The following SLC51B variants were observed in gnomAD, a reference collection of about 807,000 sequenced individuals.
SLC51B encodes organic solute transporter subunit beta.
A neutral mutation model predicts 8.0 loss-of-function variants in SLC51B; 6 were observed. The observed-to-expected ratio is 0.75, with a 90% CI of 0.41 to 1.48. SLC51B has a LOEUF of 1.48. Ranked by LOEUF, SLC51B falls within the 40% of genes most tolerant of loss-of-function variation. SLC51B has a pLI of 0.01. For missense variants in SLC51B, 150 were observed against 149.7 expected, an observed-to-expected ratio of 1.00 and a Z score of -0.01; for synonymous variants, 61 against 54.8, an observed-to-expected ratio of 1.11 and a Z score of -0.50.
chr15:65,048,646 C>T (rs1951105554), intron 1 of SLC51B, among the ~76,000 whole-genome samples: 1 of 152,160 alleles, frequency 6.6e-6, no homozygotes, highest in Admixed American at 6.5e-5. Flanking sequence ...CGTTTATCTC[C>T]ATTCCTACTC....
Position 65,050,014 on chromosome 15 carries a change from A to G in SLC51B, c.10A>G (p.Ser4Gly). The G allele has an allele frequency of 1.9e-6, 3 of 1,551,310 alleles. No homozygotes were observed. Among genetic ancestry groups the G allele is most frequent in the Non-Finnish European group, 2.6e-6 (3 of 1,146,778 alleles). MEHSEGAPGDPAGT... is the reference protein window; with the variant it reads MEHGEGAPGDPAGT... ...TACCAGGAGCAGGGGCATGGAGCACAGTGAGGGGGCTCCCGGAGACCCAGC... is the reference window on the plus strand; with the variant it reads ...TACCAGGAGCAGGGGCATGGAGCACGGTGAGGGGGCTCCCGGAGACCCAGC... The change falls in exon 2 of 4, where the codon AGT becomes GGT. Residue 4 changes from serine to glycine, a missense_variant. Coordinates refer to ENST00000334287, the MANE Select transcript of SLC51B (RefSeq NM_178859.4).
In SLC51B at chr15:65,053,346, TA is replaced by T. The variant is rs528502893; in HGVS notation, c.*190del. 1.9e-5 allele frequency: 27 copies of T among 1,416,250 alleles called. No homozygotes were observed. The Admixed American group carries it at 2.5e-4, about 13-fold the overall frequency. 87.7% of individuals were successfully genotyped at this position (1,416,250 alleles called of 1,614,324 possible). On this transcript the variant is annotated 3_prime_UTR_variant, in exon 4 of 4. Transcript: ENST00000334287. ...TGCAAGCAAACTAAAATTCTGTTAT[TA>T]AAAAAAATCTTTTATTAAAATGCTC...
chr15:65,048,439 C>T (rs2086605194), intron 1 of SLC51B, among the ~76,000 whole-genome samples: 1 of 152,190 alleles, frequency 6.6e-6, no homozygotes, highest in Admixed American at 6.5e-5. Flanking sequence ...TGTTTGCCAT[C>T]TAGCTGTTTT....
rs368374478 is a variant in SLC51B at position 65,053,286 on chromosome 15, C to CTT, written c.*132_*133dup. ...GCCGCTTTTTTCTTTTTCTTTCTTT[C>CTT]TTTTTTTTTTTCTTAGCAGATACAA... On this transcript the variant is annotated 3_prime_UTR_variant, in exon 4 of 4. Transcript: ENST00000334287. The CTT allele has an allele frequency of 3.2e-5, 34 of 1,067,220 alleles. No homozygotes were observed. Among genetic ancestry groups the CTT allele is most frequent in the South Asian group, 8.7e-5 (4 of 46,224 alleles). 66.1% of individuals were successfully genotyped at this position (1,067,220 alleles called of 1,614,324 possible). A position where few individuals can be genotyped will look rare whatever the true frequency, so the allele number is the denominator to read the frequency against.
Position 65,053,236 on chromosome 15 carries a change from C to A in SLC51B, c.*72C>A. The A allele has an allele frequency of 6.4e-7, 1 of 1,556,352 alleles. No homozygotes were observed. The highest frequency in any genetic ancestry group is 1.2e-5 in the South Asian group (1 of 83,584). ...CTCAGCTCAGTGGCCTGAAACCTCT[C>A]AGGTTTTAGAGTCTCTCCCAAGAAG... On this transcript the variant is annotated 3_prime_UTR_variant, in exon 4 of 4. Transcript: ENST00000334287.
chr15:65,046,942 C>T (rs1032457350), intron 1 of SLC51B, among the ~76,000 whole-genome samples: 1 of 151,954 alleles, frequency 6.6e-6, no homozygotes, highest in Non-Finnish European at 1.5e-5. Flanking sequence ...AACACCACTC[C>T]ACTGTGGACA....
chr15:65,049,860 G>T (rs958828837), intron 1 of SLC51B, 37 bp from the exon 2 acceptor site: 1 of 538,730 alleles, frequency 1.9e-6, no homozygotes, highest in Non-Finnish European at 3.2e-6. Flanking sequence ...TCAAACTCGG[G>T]TGGGATATCC....
At chr15:65,050,835 TC>T (rs768796117) in intron 2 of SLC51B, among the ~76,000 whole-genome samples, 1,769 of 138,328 alleles carry the variant, frequency 0.013, 94 homozygotes, top group African/African-American at 0.043. Context: ...TTCTTCTTCT[TC>T]TTTTTTTTTT....
intron 1 of SLC51B, among the ~76,000 whole-genome samples, chr15:65,046,783 C>T (rs1198311720): frequency 6.6e-6 from 1 of 151,798 alleles, no homozygotes; most frequent in Non-Finnish European, 1.5e-5. Flanking sequence ...CGTGGTGGCA[C>T]ATGCCTGTTG....
At chr15:65,051,744 C>A in intron 3 of SLC51B, 139 bp downstream of exon 3, 1 of 658,690 alleles carries the variant, frequency 1.5e-6, no homozygotes, top group Non-Finnish European at 2.6e-6. Context: ...CCTTCAGTGT[C>A]CTTCGAGAAC....
At chr15:65,050,203 G>A (rs776422387) in intron 2 of SLC51B, 102 bp downstream of exon 2, 26 of 904,424 alleles carry the variant, frequency 2.9e-5, no homozygotes, top group East Asian at 2.3e-4. Flanking sequence ...CAGGTCAGGC[G>A]GTACATTTCC....
Position 65,053,054 on chromosome 15 carries a change from A to G in SLC51B, c.277A>G (p.Arg93Gly). ...GGATCACAACAGCCTAAACAACCTAAGAGAAACTTTGCTCTCAGAAAAGCC... is the reference window on the plus strand; with the variant it reads ...GGATCACAACAGCCTAAACAACCTAGGAGAAACTTTGCTCTCAGAAAAGCC... ...AKDHNSLNNL[R>G]ETLLSEKPNL... The change falls in exon 4 of 4, where the codon AGA becomes GGA. Residue 93 changes from arginine (R) to glycine (G), a missense_variant. Arg to Gly is a moderately radical substitution (Grantham distance 125). Coordinates refer to ENST00000334287, the MANE Select transcript of SLC51B (RefSeq NM_178859.4). 1 of 1,614,112 alleles carries G rather than the reference A, an allele frequency of 6.2e-7. No homozygotes were observed.
intron 3 of SLC51B, 36 bp downstream of exon 3, chr15:65,051,641 T>C (rs2086654485): frequency 1.3e-6 from 2 of 1,598,106 alleles, no homozygotes; most frequent in African/African-American, 1.3e-5. Context: ...GGGTGGTCTC[T>C]GTGGGGTAGA....
chr15:65,049,977 C>T lies in SLC51B; in HGVS notation c.-28C>T. On this transcript the variant is annotated 5_prime_UTR_variant, in exon 2 of 4. Transcript: ENST00000334287. ...CTGGGGCTAAGGGGTCTAAGGACCT[C>T]GTTGCACACGCTACCAGGAGCAGGG... is the stretch of plus-strand genomic sequence containing the variant. The T allele has an allele frequency of 6.5e-7, 1 of 1,536,366 alleles. No homozygotes were observed. The highest frequency in any genetic ancestry group is 8.8e-7 in the Non-Finnish European group (1 of 1,135,598).
At chr15:65,050,520 G>T (rs2086636303) in intron 2 of SLC51B, among the ~76,000 whole-genome samples, 1 of 152,234 alleles carries the variant, frequency 6.6e-6, no homozygotes, top group African/African-American at 2.4e-5. Flanking sequence ...TAGGAAGTAT[G>T]CAGCAAGGGC....
intron 1 of SLC51B, among the ~76,000 whole-genome samples, chr15:65,048,110 G>C (rs2086600686): frequency 6.6e-6 from 1 of 151,930 alleles, no homozygotes; most frequent in Non-Finnish European, 1.5e-5. Flanking sequence ...GGACCCAGGA[G>C]GCATAGGTTG....
At chr15:65,046,926 CA>C (rs2086584179) in intron 1 of SLC51B, among the ~76,000 whole-genome samples, 2 of 151,076 alleles carry the variant, frequency 1.3e-5, no homozygotes, top group Admixed American at 1.3e-4. Context: ...AAACAAAAAA[CA>C]AAAAAACACC....
chr15:65,048,887 G>C (rs553264104), intron 1 of SLC51B, among the ~76,000 whole-genome samples: 301 of 151,812 alleles, frequency 2.0e-3, no homozygotes, highest in African/African-American at 6.7e-3. Context: ...ACATGCGCCT[G>C]TAATTCCAGC....
At chr15:65,051,683 G>C (rs192771373) in intron 3 of SLC51B, 78 bp downstream of exon 3, 3 of 1,417,742 alleles carry the variant, frequency 2.1e-6, no homozygotes, top group Admixed American at 1.8e-5. Flanking sequence ...AATCTAGAGA[G>C]GGGTCACTTA....
Sources: allele counts gnomAD v4.1 joint callset (sites outside exome capture counted in the v4.1 genomes callset), GRCh38; gene constraint gnomAD v4.1.1; transcripts MANE v1.5; gene names NCBI Gene and HGNC (gene_info 2026-07-23, HGNC 2026-07-21).